CNTN3: variants seen among roughly 807,000 people sequenced by gnomAD.
The protein encoded by CNTN3 is contactin-3.
A neutral mutation model predicts 119.1 loss-of-function variants in CNTN3; 60 were observed. The ratio of observed to expected loss-of-function variants is 0.50; its 90% confidence interval spans 0.41 to 0.62. The LOEUF is 0.62. CNTN3 is among the 20% of genes least tolerant of loss of function. The pLI is 0.00. For synonymous variants in CNTN3, 450 were observed against 438.7 expected (o/e 1.03, Z -0.32); for missense variants, 1,101 against 1,242.4 (o/e 0.89, Z 1.71).
chr3:74,543,640 C>T (rs924341482), intron 1 of CNTN3, among the ~76,000 whole-genome samples: 1 of 152,056 alleles, frequency 6.6e-6, no homozygotes, highest in African/African-American at 2.4e-5. Flanking sequence ...GCAGATTTCA[C>T]ATTTTACGTA....
At chr3:74,450,602 G>C (rs541191073) in intron 4 of CNTN3, among the ~76,000 whole-genome samples, 1 of 150,402 alleles carries the variant, frequency 6.6e-6, no homozygotes, top group Admixed American at 6.6e-5. Context: ...ATGCTGGTGC[G>C]CTGCACCCAC....
At chr3:74,532,592 G>C (rs1222862924) in intron 1 of CNTN3, among the ~76,000 whole-genome samples, 2 of 151,966 alleles carry the variant, frequency 1.3e-5, no homozygotes, top group African/African-American at 4.8e-5. Flanking sequence ...ACTCCTAAGT[G>C]ACTCACAGGT....
At position 74,263,048 on chromosome 3, in the gene CNTN3, T is replaced by C. The variant is rs1239779353; in HGVS notation, c.*1353A>G. 1 of 152,182 alleles carries C rather than the reference T, an allele frequency of 6.6e-6. No homozygotes were observed. The highest frequency in any genetic ancestry group is 2.1e-4 in the South Asian group (1 of 4,838). 9.4% of individuals were successfully genotyped at this position (152,182 alleles called of 1,614,324 possible). On this transcript the variant is annotated 3_prime_UTR_variant, in exon 23 of 23. Coordinates refer to ENST00000263665, the MANE Select transcript of CNTN3 (RefSeq NM_020872.3). The stretch of plus-strand genomic sequence containing the variant: ...TCTTGTTATCTGAACTGTTTTCTAA[T>C]TCTGATATTGTTGGAAATGTGAACA...
intron 3 of CNTN3, among the ~76,000 whole-genome samples, chr3:74,487,025 T>G (rs1702872326): frequency 6.6e-6 from 1 of 152,184 alleles, no homozygotes; most frequent in South Asian, 2.1e-4. Flanking sequence ...TTCTTTGATT[T>G]ATCCAGATTG....
At chr3:74,293,381 ATC>A (rs1311040110) in intron 19 of CNTN3, among the ~76,000 whole-genome samples, 3 of 152,190 alleles carry the variant, frequency 2.0e-5, no homozygotes, top group Non-Finnish European at 4.4e-5. Flanking sequence ...TATAAGGAGA[ATC>A]TATTAAAAAG....
chr3:74,512,064 T>C (rs1405138019), intron 2 of CNTN3, among the ~76,000 whole-genome samples: 1 of 152,134 alleles, frequency 6.6e-6, no homozygotes, highest in East Asian at 1.9e-4. Context: ...ATCTATAATA[T>C]AGGATTTTTG....
chr3:74,448,067 T>C (rs1304269229), intron 4 of CNTN3, among the ~76,000 whole-genome samples: 6 of 152,190 alleles, frequency 3.9e-5, no homozygotes, highest in Admixed American at 2.0e-4. Flanking sequence ...TTGTCTTCTA[T>C]GCTATGTGCA....
chr3:74,409,839 G>A (rs147864140), intron 5 of CNTN3, among the ~76,000 whole-genome samples: 15 of 152,080 alleles, frequency 9.9e-5, no homozygotes, highest in South Asian at 6.2e-4. Flanking sequence ...TTTACTTCCC[G>A]GAAAATGCCT....
chr3:74,508,136 A>G (rs1450729171), intron 2 of CNTN3, among the ~76,000 whole-genome samples: 1 of 152,172 alleles, frequency 6.6e-6, no homozygotes, highest in African/African-American at 2.4e-5. Flanking sequence ...TAACTGAATT[A>G]TGCGGACAGT....
chr3:74,421,890 A>C (rs1013598987), intron 5 of CNTN3, among the ~76,000 whole-genome samples: 1 of 152,222 alleles, frequency 6.6e-6, no homozygotes, highest in Non-Finnish European at 1.5e-5. Flanking sequence ...GGCTGATACC[A>C]GCTGCTGTGG....
At position 74,369,316 on chromosome 3, in the gene CNTN3, A is replaced by G. The variant is rs1360861027; in HGVS notation, c.819T>C (p.Ile273=). 1 of 1,609,968 alleles carries G rather than the reference A, an allele frequency of 6.2e-7. No individual in the cohort carries two copies. The highest frequency in any genetic ancestry group is 2.2e-5 in the East Asian group (1 of 44,578). The part of the protein sequence containing the change: ...RSDGLPFSSK[I]KLRKFSGVLE... ...GCACACCACTGAACTTCCTTAATTTAATTTTGCTGGAAAATGGCAGCCCAT... is the reference window on the plus strand; with the variant it reads ...GCACACCACTGAACTTCCTTAATTTGATTTTGCTGGAAAATGGCAGCCCAT... The change falls in exon 8 of 23, where the codon ATT becomes ATC. Residue 273 remains isoleucine, a synonymous_variant. Coordinates refer to ENST00000263665, the MANE Select transcript of CNTN3 (RefSeq NM_020872.3).
At chr3:74,365,770 T>G in intron 8 of CNTN3, 68 bp from the exon 9 acceptor site, 1 of 1,519,782 alleles carries the variant, frequency 6.6e-7, no homozygotes, top group Non-Finnish European at 8.9e-7. Flanking sequence ...TATTTATTAT[T>G]TTATTATCTT....
chr3:74,267,212 T>G, intron 21 of CNTN3, 54 bp downstream of exon 21: 2 of 1,123,020 alleles, frequency 1.8e-6, no homozygotes, highest in Admixed American at 3.5e-5. Context: ...TAGCTTCTCT[T>G]GAAAAGTACT....
At chr3:74,453,258 T>C (rs1482143745) in intron 4 of CNTN3, among the ~76,000 whole-genome samples, 1 of 151,986 alleles carries the variant, frequency 6.6e-6, no homozygotes, top group Non-Finnish European at 1.5e-5. Flanking sequence ...AGTGTATGTG[T>C]CGAGGAATTT....
intron 4 of CNTN3, among the ~76,000 whole-genome samples, chr3:74,430,756 G>A (rs1331672275): frequency 6.6e-6 from 1 of 151,986 alleles, no homozygotes; most frequent in Non-Finnish European, 1.5e-5. Flanking sequence ...GATAAAATTA[G>A]AACTAAATAC....
At chr3:74,267,802 T>A (rs1701693165) in intron 20 of CNTN3, among the ~76,000 whole-genome samples, 1 of 152,038 alleles carries the variant, frequency 6.6e-6, no homozygotes, top group South Asian at 2.1e-4. Context: ...GGGCTGCTTG[T>A]TCCTAAACCA....
chr3:74,428,475 C>T (rs1303119817), intron 4 of CNTN3, among the ~76,000 whole-genome samples: 3 of 151,896 alleles, frequency 2.0e-5, no homozygotes, highest in East Asian at 1.9e-4. Context: ...TTTTTAAATG[C>T]TTTTGGCAAA....
chr3:74,610,511 C>T (rs1379161835), intron 1 of CNTN3, among the ~76,000 whole-genome samples: 1 of 152,110 alleles, frequency 6.6e-6, no homozygotes, highest in Non-Finnish European at 1.5e-5. Context: ...TTCCTAAAAG[C>T]TTGCTAGGAA....
At chr3:74,475,648 C>T (rs1449218195) in intron 4 of CNTN3, among the ~76,000 whole-genome samples, 4 of 152,250 alleles carry the variant, frequency 2.6e-5, no homozygotes, top group Admixed American at 1.3e-4. Flanking sequence ...ACCAAAAATT[C>T]GATCTGCTGG....
Sources: allele counts gnomAD v4.1 joint callset (sites outside exome capture counted in the v4.1 genomes callset), GRCh38; gene constraint gnomAD v4.1.1; transcripts MANE v1.5; gene names NCBI Gene and HGNC (gene_info 2026-07-23, HGNC 2026-07-21).